Variants in HS3ST2 observed in about 807,000 individuals in gnomAD.
HS3ST2 encodes the protein heparan sulfate glucosamine 3-O-sulfotransferase 2.
Under a neutral mutation model 26.3 loss-of-function variants are expected in HS3ST2, and 17 were observed. The observed-to-expected ratio is 0.65, with a 90% confidence interval of 0.44 to 0.97. HS3ST2 has a LOEUF of 0.97. Ranked by LOEUF, HS3ST2 falls within the 50% of genes least tolerant of loss-of-function variation. The pLI is 0.00. For missense variants in HS3ST2, 402 were observed against 501.2 expected (o/e 0.80, Z 1.89); for synonymous variants, 237 against 219.2 (o/e 1.08, Z -0.72).
At chr16:22,863,293 T>A (rs1277106500) in intron 1 of HS3ST2, among the ~76,000 whole-genome samples, 1 of 152,198 alleles carries the variant, frequency 6.6e-6, no homozygotes, top group African/African-American at 2.4e-5. Flanking sequence ...ATAAAAATGG[T>A]CCCCCAGTCA....
intron 1 of HS3ST2, among the ~76,000 whole-genome samples, chr16:22,902,170 AAT>A (rs1415169915): frequency 6.6e-6 from 1 of 152,208 alleles, no homozygotes; most frequent in Non-Finnish European, 1.5e-5. Flanking sequence ...TTCACTTAAT[AAT>A]ATGTTGATTC....
intron 1 of HS3ST2, among the ~76,000 whole-genome samples, chr16:22,865,067 A>T (rs1784509971): frequency 6.7e-6 from 1 of 150,302 alleles, no homozygotes; most frequent in Admixed American, 6.6e-5. Context: ...AAAAAAAAAA[A>T]AAAAGAGGAA....
intron 1 of HS3ST2, among the ~76,000 whole-genome samples, chr16:22,877,894 T>C (rs1901940762): frequency 6.6e-6 from 1 of 152,172 alleles, no homozygotes; most frequent in South Asian, 2.1e-4. Flanking sequence ...GATGAATTCT[T>C]TCTTGCATAG....
chr16:22,815,411 G>T (rs957304341), intron 1 of HS3ST2, among the ~76,000 whole-genome samples: 1 of 152,176 alleles, frequency 6.6e-6, no homozygotes, highest in African/African-American at 2.4e-5. Flanking sequence ...CCCAAGGAAG[G>T]GACAGGCGAG....
In HS3ST2 at chr16:22,846,132, C is replaced by G. The variant is rs1901428709; in HGVS notation, c.485+31037C>G. Among the ~76,000 whole-genome samples, 5 of 152,228 alleles carry G rather than the reference C, an allele frequency of 3.3e-5. No individual in the cohort carries two copies. The South Asian group carries it at 1.0e-3, about 32-fold the overall frequency. On this transcript the variant is annotated intron_variant, in intron 1 of 1. Coordinates refer to ENST00000261374, the MANE Select transcript of HS3ST2 (RefSeq NM_006043.2). The stretch of plus-strand genomic sequence containing the variant: ...ATCTCTGCTAAAAATACAAAATTAG[C>G]CAGGCATGGTGGCGAGTGCCTGTAG...
At chr16:22,874,814 C>G (rs1049783184) in intron 1 of HS3ST2, among the ~76,000 whole-genome samples, 4 of 152,190 alleles carry the variant, frequency 2.6e-5, no homozygotes, top group African/African-American at 9.7e-5. Context: ...CCTTAAAGGG[C>G]TGCATCGCCC....
chr16:22,850,643 G>A (rs375053750), intron 1 of HS3ST2, among the ~76,000 whole-genome samples: 51 of 152,046 alleles, frequency 3.4e-4, no homozygotes, highest in Non-Finnish European at 5.7e-4. Context: ...AAAAATTAGC[G>A]AGGTGTGGTG....
At chr16:22,821,254 T>C (rs1900986585) in intron 1 of HS3ST2, among the ~76,000 whole-genome samples, 1 of 151,968 alleles carries the variant, frequency 6.6e-6, no homozygotes, top group Non-Finnish European at 1.5e-5. Flanking sequence ...ACCTTGCACA[T>C]ATCTGGAGAC....
intron 1 of HS3ST2, among the ~76,000 whole-genome samples, chr16:22,912,668 G>A (rs777652600): frequency 6.6e-6 from 1 of 151,978 alleles, no homozygotes; most frequent in Non-Finnish European, 1.5e-5. Context: ...CAGCTCGGAG[G>A]CAGCTCTGCA....
intron 1 of HS3ST2, among the ~76,000 whole-genome samples, chr16:22,888,383 TTTTTTTTTTC>T (rs1340413490): frequency 2.0e-5 from 2 of 102,476 alleles, no homozygotes; most frequent in Non-Finnish European, 3.8e-5. Context: ...CTTTTTTTTT[TTTTTTTTTTC>T]TTTTTTTTTT....
intron 1 of HS3ST2, among the ~76,000 whole-genome samples, chr16:22,841,499 T>G (rs1266639149): frequency 6.6e-6 from 1 of 152,250 alleles, no homozygotes; most frequent in Non-Finnish European, 1.5e-5. Flanking sequence ...TTAGTGGTTA[T>G]TCTTACAGTG....
At chr16:22,818,484 C>T (rs1478736986) in intron 1 of HS3ST2, among the ~76,000 whole-genome samples, 1 of 152,168 alleles carries the variant, frequency 6.6e-6, no homozygotes, top group African/African-American at 2.4e-5. Flanking sequence ...TACTACAACA[C>T]TCCTGTTATC....
At chr16:22,832,151 C>CTTTTTTTTT (rs71151684) in intron 1 of HS3ST2, among the ~76,000 whole-genome samples, 6 of 115,470 alleles carry the variant, frequency 5.2e-5, no homozygotes, top group Admixed American at 8.8e-5. Context: ...CCCAGCTGAT[C>CTTTTTTTTT]TTTTTTTTTT....
chr16:22,815,154 C>G lies in HS3ST2; in HGVS notation c.485+59C>G, dbSNP rs971734287. ...TCTCTGATCGCTTCCATTGGGAGAG[C>G]CATCCGTCTCTTGTGTTTTCTCTTT... On this transcript the variant is annotated intron_variant, in intron 1 of 1. Coordinates refer to ENST00000261374, the MANE Select transcript of HS3ST2 (RefSeq NM_006043.2). 4.4e-5 allele frequency: 70 copies of G among 1,588,760 alleles called. 1 individual carries two copies. Among genetic ancestry groups the G allele is most frequent in the Non-Finnish European group, 5.9e-5 (69 of 1,170,414 alleles).
chr16:22,875,621 T>C (rs1253599582), intron 1 of HS3ST2, among the ~76,000 whole-genome samples: 2 of 152,184 alleles, frequency 1.3e-5, no homozygotes, highest in Non-Finnish European at 2.9e-5. Flanking sequence ...GACCTCATGA[T>C]CTGCCTGCTC....
At chr16:22,838,906 C>T (rs569998929) in intron 1 of HS3ST2, among the ~76,000 whole-genome samples, 2 of 152,148 alleles carry the variant, frequency 1.3e-5, no homozygotes, top group Non-Finnish European at 2.9e-5. Context: ...CCAGTCCAGG[C>T]CATTGCTGCC....
At chr16:22,843,781 A>G (rs1901393189) in intron 1 of HS3ST2, among the ~76,000 whole-genome samples, 1 of 152,174 alleles carries the variant, frequency 6.6e-6, no homozygotes, top group Non-Finnish European at 1.5e-5. Flanking sequence ...GGAAGTTTCA[A>G]GATGTCAGCA....
At chr16:22,905,580 C>G (rs1902341609) in intron 1 of HS3ST2, among the ~76,000 whole-genome samples, 1 of 152,080 alleles carries the variant, frequency 6.6e-6, no homozygotes, top group South Asian at 2.1e-4. Context: ...AAGATTAAAG[C>G]CTTGTCTTTA....
intron 1 of HS3ST2, among the ~76,000 whole-genome samples, chr16:22,909,120 T>C (rs1596633831): frequency 6.6e-6 from 1 of 152,196 alleles, no homozygotes; most frequent in East Asian, 1.9e-4. Flanking sequence ...ACCTTTTTAG[T>C]CTTTGTAACA....
Sources: gnomAD v4.1 joint callset for allele counts (sites outside exome capture counted in the v4.1 genomes callset) on GRCh38, gnomAD v4.1.1 for gene constraint, MANE v1.5 for transcripts, NCBI Gene and HGNC (gene_info 2026-07-23, HGNC 2026-07-21) for gene names.